The following SRPK2 variants were observed in gnomAD, a reference collection of about 807,000 sequenced individuals.
SRPK2 encodes SRSF protein kinase 2, also known as SFRS protein kinase 2.
A neutral mutation model predicts 90.8 loss-of-function variants in SRPK2; 21 were observed. That is an observed-to-expected ratio of 0.23 (90% CI 0.16 to 0.33). The LOEUF (loss-of-function observed/expected upper bound fraction) is 0.33, where lower values mean the gene tolerates loss of function less well. Ranked by LOEUF, SRPK2 falls within the 10% of genes least tolerant of loss-of-function variation. SRPK2 has a pLI of 1.00. For synonymous variants in SRPK2, 288 were observed against 311.1 expected, an observed-to-expected ratio of 0.93 and a Z score of 0.78; for missense variants, 620 against 869.0, an observed-to-expected ratio of 0.71 and a Z score of 3.60.
At chr7:105,324,010 T>G (rs555900266) in intron 2 of SRPK2, among the ~76,000 whole-genome samples, 23 of 148,970 alleles carry the variant, frequency 1.5e-4, no homozygotes, top group South Asian at 6.6e-4. Context: ...TGTGTGTGTG[T>G]GTGTGTGGTG....
At chr7:105,221,412 C>G (rs1367240838) in intron 2 of SRPK2, among the ~76,000 whole-genome samples, 1 of 152,164 alleles carries the variant, frequency 6.6e-6, no homozygotes, top group African/African-American at 2.4e-5. Flanking sequence ...CTTTCTCCAG[C>G]TACAACAGTC....
chr7:105,171,626 G>T (rs1040309920), intron 3 of SRPK2, among the ~76,000 whole-genome samples: 1 of 152,126 alleles, frequency 6.6e-6, no homozygotes, highest in Non-Finnish European at 1.5e-5. Flanking sequence ...ATATATTTCT[G>T]AACATTTAAA....
intron 3 of SRPK2, among the ~76,000 whole-genome samples, chr7:105,188,454 G>C (rs898071603): frequency 1.3e-5 from 2 of 152,136 alleles, no homozygotes; most frequent in African/African-American, 4.8e-5. Flanking sequence ...CCACACAATT[G>C]TACCCTTTAA....
chr7:105,331,182 G>A (rs1412190571), intron 2 of SRPK2, among the ~76,000 whole-genome samples: 1 of 151,698 alleles, frequency 6.6e-6, no homozygotes, highest in African/African-American at 2.4e-5. Flanking sequence ...GGTGGTGCAT[G>A]ACTGTAATCC....
intron 15 of SRPK2, 40 bp from the exon 16 acceptor site, chr7:105,118,062 A>C (rs1799809487): frequency 1.9e-6 from 3 of 1,602,536 alleles, no homozygotes; most frequent in Non-Finnish European, 2.6e-6. Context: ...GAAAGCTCCA[A>C]ATCTGCATTC....
chr7:105,262,589 T>C (rs1461197606), intron 2 of SRPK2, among the ~76,000 whole-genome samples: 1 of 152,226 alleles, frequency 6.6e-6, no homozygotes, highest in African/African-American at 2.4e-5. Flanking sequence ...TGAAAACTAA[T>C]GTTAATACCC....
intron 13 of SRPK2, among the ~76,000 whole-genome samples, chr7:105,129,490 T>G (rs1197337914): frequency 6.6e-6 from 1 of 152,184 alleles, no homozygotes; most frequent in Non-Finnish European, 1.5e-5. Context: ...TTCTCCTGCC[T>G]CAGCCACCTG....
chr7:105,142,743 C>A (rs1045189302), intron 10 of SRPK2, among the ~76,000 whole-genome samples: 27 of 152,146 alleles, frequency 1.8e-4, no homozygotes, highest in Non-Finnish European at 5.9e-5. Flanking sequence ...GTTGCACTTC[C>A]ATTTCTACCC....
chr7:105,258,427 A>T (rs1803682200), intron 2 of SRPK2, among the ~76,000 whole-genome samples: 1 of 151,696 alleles, frequency 6.6e-6, no homozygotes, highest in East Asian at 1.9e-4. Flanking sequence ...CAAAAAAAAA[A>T]AAAAAAAAGA....
At chr7:105,343,189 T>C (rs1433298262) in intron 2 of SRPK2, among the ~76,000 whole-genome samples, 2 of 152,026 alleles carry the variant, frequency 1.3e-5, no homozygotes, top group Non-Finnish European at 2.9e-5. Context: ...ACCCAGCAAT[T>C]AGGGAGGCAA....
chr7:105,156,305 G>A (rs1806473704), intron 7 of SRPK2, among the ~76,000 whole-genome samples: 1 of 152,020 alleles, frequency 6.6e-6, no homozygotes, highest in South Asian at 2.1e-4. Context: ...AACCTCTCTG[G>A]GCTTCTGTTT....
At chr7:105,244,998 T>C (rs1248898633) in intron 2 of SRPK2, 3 of 933,120 alleles carry the variant, frequency 3.2e-6, no homozygotes, top group Non-Finnish European at 3.4e-6. Context: ...CTCCCTGAAA[T>C]AAAGAACAGC....
At chr7:105,160,823 G>A (rs1807503069) in intron 6 of SRPK2, among the ~76,000 whole-genome samples, 1 of 152,142 alleles carries the variant, frequency 6.6e-6, no homozygotes, top group Non-Finnish European at 1.5e-5. Flanking sequence ...CAGTATCTCA[G>A]GAGATTGGTT....
chr7:105,267,396 G>A (rs1805235140), intron 2 of SRPK2, among the ~76,000 whole-genome samples: 1 of 152,092 alleles, frequency 6.6e-6, no homozygotes, highest in Admixed American at 6.6e-5. Flanking sequence ...CTGATACCCA[G>A]CTCGTTCACT....
chr7:105,344,407 CTTTTTTTT>C (rs1178845367), intron 2 of SRPK2, among the ~76,000 whole-genome samples: 1 of 58,458 alleles, frequency 1.7e-5, no homozygotes, highest in Non-Finnish European at 3.2e-5. Context: ...GCAGCCACAC[CTTTTTTTT>C]TTTTTTTTTT....
At chr7:105,339,572 T>C (rs754078743) in intron 2 of SRPK2, among the ~76,000 whole-genome samples, 12 of 152,352 alleles carry the variant, frequency 7.9e-5, no homozygotes, top group Non-Finnish European at 1.5e-4. Context: ...CAATGGTCAA[T>C]GGCATCTCTC....
At chr7:105,380,947 TAAAAAAAAAAAA>T (rs869039181) in intron 2 of SRPK2, among the ~76,000 whole-genome samples, 3 of 104,144 alleles carry the variant, frequency 2.9e-5, no homozygotes, top group Admixed American at 1.1e-4. Context: ...TTTATTACTT[TAAAAAAAAAAAA>T]AAAAAAAAAA....
intron 7 of SRPK2, among the ~76,000 whole-genome samples, chr7:105,148,746 G>T (rs912066716): frequency 3.3e-5 from 5 of 152,230 alleles, no homozygotes; most frequent in African/African-American, 9.6e-5. Flanking sequence ...GCTTTGCTGA[G>T]ATGTTGTTAA....
At chr7:105,390,533 A>G (rs1005230020), upstream of SRPK2, among the ~76,000 whole-genome samples, 5 of 150,736 alleles carry the variant, frequency 3.3e-5, no homozygotes, top group Admixed American at 2.7e-4. Flanking sequence ...GGTCCAAGCC[A>G]TTCTCCTGCC....
Sources: gnomAD v4.1 joint callset for allele counts (sites outside exome capture counted in the v4.1 genomes callset) on GRCh38, gnomAD v4.1.1 for gene constraint, MANE v1.5 for transcripts, NCBI Gene and HGNC (gene_info 2026-07-23, HGNC 2026-07-21) for gene names.